The following GNS variants were observed in gnomAD, a reference collection of about 807,000 sequenced individuals.
GNS encodes glucosamine (N-acetyl)-6-sulfatase.
In GNS, 40 loss-of-function variants were observed where a neutral mutation model predicts 69.7. That is an observed-to-expected ratio of 0.57 (90% CI 0.45 to 0.75). GNS has a LOEUF of 0.75. Among genes scored for constraint, GNS ranks in the 30% least tolerant of loss-of-function variants. GNS has a pLI of 0.00. For synonymous variants in GNS, 243 were observed against 251.6 expected (o/e 0.97, Z 0.32); for missense variants, 565 against 685.5 (o/e 0.82, Z 1.96).
At chr12:64,742,214 G>A (rs1009154364) in intron 6 of GNS, among the ~76,000 whole-genome samples, 5 of 152,216 alleles carry the variant, frequency 3.3e-5, no homozygotes, top group Admixed American at 6.5e-5. Context: ...TAGAGATGGG[G>A]TTTCACTGTG....
intron 1 of GNS, among the ~76,000 whole-genome samples, chr12:64,755,670 A>G (rs1396636843): frequency 2.7e-5 from 4 of 147,294 alleles, no homozygotes; most frequent in Non-Finnish European, 6.0e-5. Context: ...CTTTTCTTAG[A>G]GTAAATGATT....
Position 64,747,846 on chromosome 12 carries a change from C to T in GNS, c.325G>A (p.Val109Ile), listed in dbSNP as rs777717534. ...LTGKYPHNHH[V>I]VNNTLEGNCS... Reference sequence around the variant, plus strand: ...TTCCCCTCCAGAGTGTTGTTCACAACGTGATGATTATGTGGGTACTTTCCT... The same window carrying T: ...TTCCCCTCCAGAGTGTTGTTCACAATGTGATGATTATGTGGGTACTTTCCT... The change falls in exon 3 of 14, where the codon GTT becomes ATT. Residue 109 changes from valine to isoleucine, a missense_variant. Val to Ile is a conservative substitution (Grantham distance 29, BLOSUM62 3). Coordinates refer to ENST00000258145, the MANE Select transcript of GNS (RefSeq NM_002076.4). 8.9e-5 allele frequency: 144 copies of T among 1,610,226 alleles called. No homozygotes were observed. Among genetic ancestry groups the T allele is most frequent in the Non-Finnish European group, 1.1e-4 (130 of 1,176,648 alleles).
intron 7 of GNS, 70 bp downstream of exon 7, chr12:64,740,536 T>A: frequency 2.4e-6 from 2 of 840,364 alleles, no homozygotes; most frequent in Non-Finnish European, 4.2e-6. Flanking sequence ...TGTGGTGTGG[T>A]CTCCTCTTCA....
chr12:64,728,018 G>A (rs1334368128), intron 10 of GNS, among the ~76,000 whole-genome samples: 2 of 152,322 alleles, frequency 1.3e-5, no homozygotes, highest in East Asian at 3.9e-4. Flanking sequence ...CCACCTCCCA[G>A]GTTCGAGTGA....
chr12:64,728,082 C>T (rs1279543196), intron 10 of GNS, among the ~76,000 whole-genome samples: 4 of 152,108 alleles, frequency 2.6e-5, no homozygotes, highest in African/African-American at 9.7e-5. Flanking sequence ...CGCCACCATG[C>T]CCAGCTTGTT....
At chr12:64,738,892 A>G (rs560967101) in intron 8 of GNS, among the ~76,000 whole-genome samples, 2 of 152,236 alleles carry the variant, frequency 1.3e-5, no homozygotes, top group African/African-American at 4.8e-5. Flanking sequence ...GTCTCAAGTG[A>G]ATCCCATTCA....
At chr12:64,752,903 A>T in intron 1 of GNS, 146 bp from the exon 2 acceptor site, 1 of 649,464 alleles carries the variant, frequency 1.5e-6, no homozygotes, top group Non-Finnish European at 2.8e-6. Flanking sequence ...GTCTTGTATG[A>T]TTCTAGAGAC....
intron 3 of GNS, among the ~76,000 whole-genome samples, chr12:64,746,885 T>C (rs534255386): frequency 6.6e-6 from 1 of 152,196 alleles, no homozygotes; most frequent in Non-Finnish European, 1.5e-5. Flanking sequence ...TCCCCAATTA[T>C]TGGGGGGAGG....
chr12:64,745,953 T>C, intron 3 of GNS: 2 of 548,788 alleles, frequency 3.6e-6, no homozygotes, highest in East Asian at 2.9e-5. Flanking sequence ...GACTTTTGTA[T>C]GAACAGCAAG....
Position 64,737,039 on chromosome 12 carries a change from G to C in GNS, c.1063C>G (p.Arg355Gly). Reference sequence around the variant, plus strand: ...TGATTTGGTTTGATCCCAGGTCCTCGAACCAACAGTGGAACTTTGATATCA... The same window carrying C: ...TGATTTGGTTTGATCCCAGGTCCTCCAACCAACAGTGGAACTTTGATATCA... ...EFDIKVPLLV[R>G]GPGIKPNQTS... The change falls in exon 9 of 14, where the codon CGA becomes GGA. Residue 355 changes from arginine (R) to glycine (G), a missense_variant. Physicochemically the swap from Arg to Gly is moderately radical, Grantham distance 125. Coordinates refer to ENST00000258145, the MANE Select transcript of GNS (RefSeq NM_002076.4). 1 of 1,601,346 alleles carries C rather than the reference G, an allele frequency of 6.2e-7. No individual in the cohort carries two copies. Among genetic ancestry groups the C allele is most frequent in the Non-Finnish European group, 8.6e-7 (1 of 1,168,416 alleles).
intron 10 of GNS, among the ~76,000 whole-genome samples, chr12:64,724,051 A>C (rs1565881277): frequency 6.6e-6 from 1 of 152,206 alleles, no homozygotes; most frequent in Non-Finnish European, 1.5e-5. Flanking sequence ...AAAGACAGGA[A>C]GACCAGGTTA....
At chr12:64,727,474 A>G (rs781124608) in intron 10 of GNS, among the ~76,000 whole-genome samples, 1 of 152,136 alleles carries the variant, frequency 6.6e-6, no homozygotes, top group Non-Finnish European at 1.5e-5. Flanking sequence ...ATTATTCATA[A>G]TAGCCAAAAA....
intron 2 of GNS, among the ~76,000 whole-genome samples, chr12:64,750,351 T>C (rs932458904): frequency 6.6e-6 from 1 of 151,942 alleles, no homozygotes; most frequent in Non-Finnish European, 1.5e-5. Context: ...CCTGGCCCAA[T>C]GCCCAGGTAT....
intron 1 of GNS, among the ~76,000 whole-genome samples, chr12:64,758,124 A>C (rs1870318746): frequency 6.6e-6 from 1 of 151,926 alleles, no homozygotes; most frequent in Admixed American, 6.6e-5. Flanking sequence ...ACACAAGCAA[A>C]ATTTACTCTG....
intron 9 of GNS, among the ~76,000 whole-genome samples, chr12:64,736,500 G>A (rs922190206): frequency 2.6e-5 from 4 of 152,216 alleles, no homozygotes; most frequent in African/African-American, 9.7e-5. Context: ...GATCCCAGGG[G>A]ATTCACACAC....
chr12:64,756,633 G>A (rs559871715), intron 1 of GNS: 108 of 774,654 alleles, frequency 1.4e-4, no homozygotes, highest in Admixed American at 9.1e-4. Flanking sequence ...GGACTCCTGT[G>A]ATGACTGAAG....
intron 1 of GNS, among the ~76,000 whole-genome samples, chr12:64,757,695 T>C (rs1234334637): frequency 6.6e-6 from 1 of 152,220 alleles, no homozygotes; most frequent in Non-Finnish European, 1.5e-5. Flanking sequence ...AGATAATGAT[T>C]ACCTTTATCA....
intron 4 of GNS, among the ~76,000 whole-genome samples, chr12:64,745,316 C>T (rs985044628): frequency 4.2e-5 from 6 of 143,672 alleles, no homozygotes; most frequent in Admixed American, 2.2e-4. Flanking sequence ...AATTCCTGGG[C>T]TCAAGTGATC....
intron 1 of GNS, among the ~76,000 whole-genome samples, chr12:64,754,765 C>T (rs991072673): frequency 9.9e-5 from 15 of 151,880 alleles, no homozygotes; most frequent in African/African-American, 1.4e-4. Flanking sequence ...AGTGCATGCC[C>T]GTAGTCCCAG....
Sources: gnomAD v4.1 joint callset for allele counts (sites outside exome capture counted in the v4.1 genomes callset) on GRCh38, gnomAD v4.1.1 for gene constraint, MANE v1.5 for transcripts, NCBI Gene and HGNC (gene_info 2026-07-23, HGNC 2026-07-21) for gene names.